Variants in PXMP2 observed in about 807,000 individuals in gnomAD.
PXMP2 encodes 22 kDa peroxisomal membrane protein.
Under a neutral mutation model 20.2 loss-of-function variants are expected in PXMP2, and 13 were observed. That is an observed-to-expected ratio of 0.64 (90% CI 0.42 to 1.02). The LOEUF is 1.02. Ranked by LOEUF, PXMP2 falls within the 50% of genes least tolerant of loss-of-function variation. PXMP2 has a pLI of 0.00. For missense variants in PXMP2, 284 were observed against 251.8 expected, an observed-to-expected ratio of 1.13 and a Z score of -0.87; for synonymous variants, 113 against 111.2, an observed-to-expected ratio of 1.02 and a Z score of -0.10.
rs1379824486 is a variant in PXMP2 at position 132,687,779 on chromosome 12, A to C, written c.109A>C (p.Lys37Gln). ...LFLRLYPVLT[K>Q]AATSGILSAL... ...CCTGCGGCTCTACCCGGTGCTCACC[A>C]AGGCGGCCACCAGGTGAGCGGGGGC... Residue 37 changes from lysine (K) to glutamine (Q), a missense_variant, in exon 1 of 5, where the codon AAG becomes CAG. Transcript: ENST00000317479. The C allele has an allele frequency of 8.5e-7, 1 of 1,173,698 alleles. No individual in the cohort carries two copies. Among genetic ancestry groups the C allele is most frequent in the South Asian group, 3.6e-5 (1 of 27,760 alleles). 72.7% of individuals were successfully genotyped at this position (1,173,698 alleles called of 1,614,324 possible). A position where few individuals can be genotyped will look rare whatever the true frequency, so the allele number is the denominator to read the frequency against.
At chr12:132,689,312 G>C (rs1470222480) in intron 1 of PXMP2, among the ~76,000 whole-genome samples, 2 of 152,188 alleles carry the variant, frequency 1.3e-5, no homozygotes, top group Non-Finnish European at 2.9e-5. Context: ...CACGGCGCGG[G>C]TGGAGACACG....
Position 132,701,333 on chromosome 12 carries a change from A to C in PXMP2, c.483A>C (p.Pro161=). ...GGATGAACTGGCGGGTGTGGACGCC[A>C]CTACAGTTCATCAACATCAACTACG... is the stretch of plus-strand genomic sequence containing the variant. ...ALRMNWRVWT[P]LQFININYVP... The change falls in exon 4 of 5, where the codon CCA becomes CCC. Residue 161 remains proline, a synonymous_variant. Coordinates refer to ENST00000317479, the MANE Select transcript of PXMP2 (RefSeq NM_018663.3). The C allele has an allele frequency of 6.2e-7, 1 of 1,613,064 alleles. No homozygotes were observed. Among genetic ancestry groups the C allele is most frequent in the South Asian group, 1.1e-5 (1 of 91,060 alleles).
chr12:132,689,930 A>C (rs1344599796), intron 1 of PXMP2, among the ~76,000 whole-genome samples: 2 of 152,204 alleles, frequency 1.3e-5, no homozygotes, highest in African/African-American at 4.8e-5. Context: ...TCACTACCAC[A>C]GTCAAAATGC....
intron 4 of PXMP2, among the ~76,000 whole-genome samples, chr12:132,703,940 A>C (rs1009434191): frequency 3.9e-5 from 6 of 152,072 alleles, no homozygotes; most frequent in Non-Finnish European, 8.8e-5. Flanking sequence ...AAGAGGGGAG[A>C]GCTGGGAAGC....
chr12:132,690,718 G>T (rs536171673), intron 2 of PXMP2, among the ~76,000 whole-genome samples: 1 of 151,888 alleles, frequency 6.6e-6, no homozygotes, highest in East Asian at 1.9e-4. Context: ...GCTAATTTTT[G>T]TTATTTTTAG....
intron 2 of PXMP2, among the ~76,000 whole-genome samples, chr12:132,691,534 C>T (rs1333847938): frequency 6.6e-6 from 1 of 152,186 alleles, no homozygotes; most frequent in Non-Finnish European, 1.5e-5. Context: ...GTGATGTTTT[C>T]TTTAATTCAG....
chr12:132,704,760 C>A lies in PXMP2; in HGVS notation c.*73C>A. 1 of 1,409,766 alleles carries A rather than the reference C, an allele frequency of 7.1e-7. No homozygotes were observed. Among genetic ancestry groups the A allele is most frequent in the Non-Finnish European group, 1.0e-6 (1 of 999,602 alleles). The allele number at this position is 1,409,766 out of a possible 1,614,324, so 87.3% of individuals were successfully genotyped here. On this transcript the variant is annotated 3_prime_UTR_variant, in exon 5 of 5. Transcript: ENST00000317479. ...TCTCACCCGCCCAGCGAGAGCAGAA[C>A]CAATCCAGTCAGGATGTCACTGACT...
intron 3 of PXMP2, among the ~76,000 whole-genome samples, chr12:132,699,481 G>A (rs1035391563): frequency 1.3e-5 from 2 of 151,242 alleles, no homozygotes; most frequent in African/African-American, 4.9e-5. Context: ...TGTTTCACTT[G>A]GGATAATGGC....
chr12:132,687,607 G>C lies in PXMP2; in HGVS notation c.-64G>C. On this transcript the variant is annotated 5_prime_UTR_variant, in exon 1 of 5. Transcript: ENST00000317479. ...TCCCCACTCCGCTCTCGGCGCCTCG[G>C]GCTCCGCGCCCGGCCAGCCTGAGGT... 3 of 1,165,964 alleles carry C rather than the reference G, an allele frequency of 2.6e-6. No homozygotes were observed. Among genetic ancestry groups the C allele is most frequent in the Non-Finnish European group, 3.2e-6 (3 of 945,794 alleles). The allele number at this position is 1,165,964 out of a possible 1,614,324, so 72.2% of individuals were successfully genotyped here. A position where few individuals can be genotyped will look rare whatever the true frequency, so the allele number is the denominator to read the frequency against.
At chr12:132,700,678 T>G (rs1161162683) in intron 3 of PXMP2, among the ~76,000 whole-genome samples, 1 of 152,120 alleles carries the variant, frequency 6.6e-6, no homozygotes, top group African/African-American at 2.4e-5. Context: ...TTTAATGAAG[T>G]CCTGTTTGTC....
chr12:132,704,205 T>C (rs184124774), intron 4 of PXMP2, among the ~76,000 whole-genome samples: 6 of 152,008 alleles, frequency 3.9e-5, no homozygotes, highest in African/African-American at 1.4e-4. Context: ...GGCAGTGGGA[T>C]GGTGATGGGT....
At chr12:132,704,152 G>C (rs2043457606) in intron 4 of PXMP2, among the ~76,000 whole-genome samples, 1 of 152,342 alleles carries the variant, frequency 6.6e-6, no homozygotes, top group Middle Eastern at 3.4e-3. Flanking sequence ...CACTGGGCCA[G>C]AGGATTCTGG....
At chr12:132,694,995 T>C (rs1450471763) in intron 2 of PXMP2, among the ~76,000 whole-genome samples, 2 of 143,200 alleles carry the variant, frequency 1.4e-5, no homozygotes, top group Non-Finnish European at 3.1e-5. Context: ...CTTAGCCAGT[T>C]AGTTAGTGAG....
chr12:132,689,153 C>G (rs1277779075), intron 1 of PXMP2, among the ~76,000 whole-genome samples: 1 of 120,082 alleles, frequency 8.3e-6, no homozygotes, highest in Non-Finnish European at 1.7e-5. Flanking sequence ...GAAGACAGGG[C>G]GAGGGGAGCG....
At chr12:132,693,718 TAGTG>T (rs2043388077) in intron 2 of PXMP2, among the ~76,000 whole-genome samples, 1 of 139,294 alleles carries the variant, frequency 7.2e-6, no homozygotes, top group Admixed American at 7.1e-5. Flanking sequence ...GCCAGTTAGT[TAGTG>T]AGCTCCCTTG....
At chr12:132,701,958 C>T (rs1294096242) in intron 4 of PXMP2, among the ~76,000 whole-genome samples, 1 of 152,130 alleles carries the variant, frequency 6.6e-6, no homozygotes, top group Non-Finnish European at 1.5e-5. Flanking sequence ...GGCATGGTGG[C>T]AGGTGCCTGT....
intron 2 of PXMP2, among the ~76,000 whole-genome samples, chr12:132,695,526 CTAACA>C (rs1334274354): frequency 1.3e-5 from 2 of 152,208 alleles, no homozygotes; most frequent in East Asian, 1.9e-4. Context: ...ACAGACTAAC[CTAACA>C]TATGAGATAA....
rs1228540104 is a variant in PXMP2 at position 132,696,589 on chromosome 12, G to A, written c.399+543G>A. On this transcript the variant is annotated intron_variant, in intron 3 of 4. Coordinates refer to ENST00000317479, the MANE Select transcript of PXMP2 (RefSeq NM_018663.3). This position sits in a 1 kb window ranked among gnomAD's most constrained non-coding sequence, Gnocchi z 4.4. ...GAGGCGGGTGGATCACCTGAGGTCAGGAGTTCGAGACCAGCCTGGCCAACA... is the reference window on the plus strand; with the variant it reads ...GAGGCGGGTGGATCACCTGAGGTCAAGAGTTCGAGACCAGCCTGGCCAACA... 6.6e-6 allele frequency among the ~76,000 whole-genome samples: 1 copy of A among 152,094 alleles called. No homozygotes were observed. The highest frequency in any genetic ancestry group is 1.5e-5 in the Non-Finnish European group (1 of 68,024).
chr12:132,701,594 A>G, intron 4 of PXMP2: 1 of 588,728 alleles, frequency 1.7e-6, no homozygotes. Context: ...TCAGGAAGCA[A>G]CAGAGAAGGG....
Sources: allele counts gnomAD v4.1 joint callset (sites outside exome capture counted in the v4.1 genomes callset), GRCh38; gene constraint gnomAD v4.1.1; non-coding constraint Gnocchi (gnomAD v3.1); transcripts MANE v1.5; gene names NCBI Gene and HGNC (gene_info 2026-07-23, HGNC 2026-07-21).